BRF1: variants seen among roughly 807,000 people sequenced by gnomAD.
BRF1 encodes the protein transcription factor IIIB 90 kDa subunit.
BRF1 carries 59 observed loss-of-function variants against 81.7 expected under a neutral mutation model. The ratio of observed to expected loss-of-function variants is 0.72; its 90% CI spans 0.59 to 0.90. The LOEUF is 0.90. BRF1 is among the 40% of genes least tolerant of loss of function. The probability of loss-of-function intolerance (pLI) is 0.00; values close to 1 mark genes in which losing one functional copy is unlikely to be tolerated. For missense variants in BRF1, 1,050 were observed against 936.3 expected (o/e 1.12, Z -1.58); for synonymous variants, 491 against 395.6 (o/e 1.24, Z -2.86).
chr14:105,284,954 C>T lies in BRF1; in HGVS notation c.265+1342G>A, dbSNP rs187135756. ...AATACATATCAACTGAGACTAAATT[C>T]GACAAAAGAAGTACAAAACTTATAC... is the stretch of plus-strand genomic sequence containing the variant. On this transcript the variant is annotated intron_variant, in intron 2 of 17. Transcript: ENST00000547530. The surrounding 1 kb of genome is among the most constrained non-coding windows in gnomAD (Gnocchi z 4.0). 6.4e-4 allele frequency among the ~76,000 whole-genome samples: 97 copies of T among 152,150 alleles called. No individual in the cohort carries two copies. Among genetic ancestry groups the T allele is most frequent in the African/African-American group, 2.0e-3 (84 of 41,506 alleles).
intron 1 of BRF1, among the ~76,000 whole-genome samples, chr14:105,288,482 T>C (rs949034980): frequency 6.6e-6 from 1 of 150,818 alleles, no homozygotes; most frequent in Non-Finnish European, 1.5e-5. Context: ...AAAAATAAAA[T>C]AAAGTAAAAA....
At chr14:105,223,217 C>T (rs1279072367) in intron 10 of BRF1, among the ~76,000 whole-genome samples, 1 of 152,160 alleles carries the variant, frequency 6.6e-6, no homozygotes, top group East Asian at 1.9e-4. Context: ...GACATACACA[C>T]TTGCCTTTCA....
intron 1 of BRF1, among the ~76,000 whole-genome samples, chr14:105,291,478 C>T (rs2057507700): frequency 6.6e-6 from 1 of 152,156 alleles, no homozygotes; most frequent in Admixed American, 6.5e-5. Flanking sequence ...AAGTTCAAGA[C>T]CAGCCTGGCC....
At chr14:105,219,957 G>C (rs1242016111) in intron 12 of BRF1, 112 bp downstream of exon 12, 3 of 1,153,556 alleles carry the variant, frequency 2.6e-6, no homozygotes, top group Non-Finnish European at 1.3e-6. Flanking sequence ...TCACCCAGCG[G>C]GGTGGGCTCT....
intron 5 of BRF1, among the ~76,000 whole-genome samples, chr14:105,243,266 C>T (rs1330542168): frequency 6.8e-6 from 1 of 146,690 alleles, no homozygotes; most frequent in Non-Finnish European, 1.5e-5. Context: ...CATAGTGAAA[C>T]CCAGTCTTTA....
At chr14:105,245,390 C>T (rs2055017802) in intron 5 of BRF1, among the ~76,000 whole-genome samples, 1 of 151,772 alleles carries the variant, frequency 6.6e-6, no homozygotes, top group South Asian at 2.1e-4. Flanking sequence ...ATAAAGGAAG[C>T]AATGAAATTA....
At chr14:105,304,623 T>A (rs770193378), upstream of BRF1, among the ~76,000 whole-genome samples, 1 of 152,154 alleles carries the variant, frequency 6.6e-6, no homozygotes, top group African/African-American at 2.4e-5. Flanking sequence ...GGTCTGAATG[T>A]GCATTGTATC....
At chr14:105,291,923 G>A (rs1357048676) in intron 1 of BRF1, among the ~76,000 whole-genome samples, 1 of 152,054 alleles carries the variant, frequency 6.6e-6, no homozygotes, top group East Asian at 1.9e-4. Context: ...GCTTGAACCC[G>A]GGAGGCGGAG....
At chr14:105,211,943 CCCA>C (rs1190081774) in intron 16 of BRF1, 167 bp downstream of exon 16, 2 of 989,984 alleles carry the variant, frequency 2.0e-6, no homozygotes, top group Non-Finnish European at 3.0e-6. Flanking sequence ...ACCGGGAGCT[CCCA>C]CCCTCGGGCC....
Position 105,219,154 on chromosome 14 carries a change from T to C in BRF1, c.1456A>G (p.Arg486Gly). 6.2e-7 allele frequency: 1 copy of C among 1,612,332 alleles called. No homozygotes were observed. The highest frequency in any genetic ancestry group is 8.5e-7 in the Non-Finnish European group (1 of 1,178,626). The part of the protein sequence containing the change: ...RENAEYLREQ[R>G]EKEARIAKEK... ...AGTGTGGGCGGGTGGCGCTTACCCC[T>C]CTGTTCCCGCAGGTACTCGGCGTTC... The change falls in exon 13 of 18, where the codon AGG (arginine) becomes GGG (glycine). Residue 486 changes from arginine (R) to glycine (G), a missense_variant. Around this residue, in one of 2 missense-constraint regions of BRF1, gnomAD observed 1,043 missense variants for 915.4 expected, o/e 1.14. Coordinates refer to ENST00000547530, the MANE Select transcript of BRF1 (RefSeq NM_001519.4).
rs983790695 is a variant in BRF1 at position 105,284,694 on chromosome 14, A to C, written c.265+1602T>G. On this transcript the variant is annotated intron_variant, in intron 2 of 17. Transcript: ENST00000547530. This position sits in a 1 kb window ranked among gnomAD's most constrained non-coding sequence, Gnocchi z 4.0. ...AAAGTATCCCTGCCTGGACTGACCC[A>C]CGGCCAACCCACACTCAATGGTGAA... is the stretch of plus-strand genomic sequence containing the variant. Among the ~76,000 whole-genome samples, 1 of 152,204 alleles carries C rather than the reference A, an allele frequency of 6.6e-6. No homozygotes were observed. Among genetic ancestry groups the C allele is most frequent in the Non-Finnish European group, 1.5e-5 (1 of 68,040 alleles).
chr14:105,249,780 G>GCGTC, intron 5 of BRF1: 1 of 1,613,862 alleles, frequency 6.2e-7, no homozygotes, highest in Non-Finnish European at 8.5e-7. Context: ...AAGAACGCCT[G>GCGTC]CGTCCTGCTG....
chr14:105,303,753 A>G (rs587703091), upstream of BRF1, among the ~76,000 whole-genome samples: 1 of 152,184 alleles, frequency 6.6e-6, no homozygotes, highest in South Asian at 2.1e-4. Flanking sequence ...TAGGAAGTGT[A>G]TTGTTTTGTT....
intron 15 of BRF1, among the ~76,000 whole-genome samples, chr14:105,216,081 CA>C (rs1205794819): frequency 2.0e-5 from 3 of 152,020 alleles, no homozygotes; most frequent in Non-Finnish European, 2.9e-5. Flanking sequence ...CACATGCACA[CA>C]AATACTGCAT....
chr14:105,223,960 G>A lies in BRF1; in HGVS notation c.1049-2046C>T, dbSNP rs184415970. Among the ~76,000 whole-genome samples, 546 of 152,280 alleles carry A rather than the reference G, an allele frequency of 3.6e-3. 5 individuals are homozygous for A. Among genetic ancestry groups the A allele is most frequent in the Non-Finnish European group, 5.0e-3 (341 of 68,028 alleles). ...AGCTCTAAACTAACCCAATAATGCCGCACCCAATAGTTTAACGATGTACAG... is the reference window on the plus strand; with the variant it reads ...AGCTCTAAACTAACCCAATAATGCCACACCCAATAGTTTAACGATGTACAG... On this transcript the variant is annotated intron_variant, in intron 10 of 17. Transcript: ENST00000547530.
Position 105,244,023 on chromosome 14 carries a change from G to C in BRF1, c.545-2609C>G, listed in dbSNP as rs587627558. On this transcript the variant is annotated intron_variant, in intron 5 of 17. Coordinates refer to ENST00000547530, the MANE Select transcript of BRF1 (RefSeq NM_001519.4). ...TCAAACAAACAAACAAAAAATTCAA[G>C]ACAAGCCAGGCAGAGTGGCTCATAC... Among the ~76,000 whole-genome samples, 408 of 152,058 alleles carry C rather than the reference G, an allele frequency of 2.7e-3. 1 individual carries two copies. The highest frequency in any genetic ancestry group is 6.8e-3 in the Middle Eastern group (2 of 294).
chr14:105,241,491 G>A (rs767737609), intron 5 of BRF1, 77 bp from the exon 6 acceptor site: 9 of 1,577,840 alleles, frequency 5.7e-6, no homozygotes, highest in Middle Eastern at 1.8e-4. Context: ...CAGCCCAGGG[G>A]TGGGGCAACC....
At chr14:105,302,728 G>A (rs753962291), upstream of BRF1, among the ~76,000 whole-genome samples, 3 of 152,320 alleles carry the variant, frequency 2.0e-5, no homozygotes, top group African/African-American at 2.4e-5. Context: ...TGGAACTACA[G>A]GCATGTGCCA....
chr14:105,211,165 GTCC>G lies in BRF1; in HGVS notation c.1950_1952del (p.Glu650del), dbSNP rs769048173. On this transcript the variant is annotated inframe_deletion, in exon 17 of 18. Coordinates refer to ENST00000547530, the MANE Select transcript of BRF1 (RefSeq NM_001519.4). ...GCAGGGCACTGACGCAGGGCTCCCC[GTCC>G]TCCTCGTCAGGCTCCTCCTCGTCAG... 45 of 1,612,478 alleles carry G rather than the reference GTCC, an allele frequency of 2.8e-5. No individual in the cohort carries two copies. Among genetic ancestry groups the G allele is most frequent in the South Asian group, 1.6e-4 (15 of 91,064 alleles).
Sources: gnomAD v4.1 joint callset for allele counts (sites outside exome capture counted in the v4.1 genomes callset) on GRCh38, gnomAD v4.1.1 for gene constraint, gnomAD v4.1.1 regional missense constraint, Gnocchi (gnomAD v3.1) non-coding constraint, MANE v1.5 for transcripts, NCBI Gene and HGNC (gene_info 2026-07-23, HGNC 2026-07-21) for gene names.